The following ETNK1 variants were observed in gnomAD, a reference collection of about 807,000 sequenced individuals.
ETNK1 encodes ethanolamine kinase 1.
ETNK1 carries 8 observed loss-of-function variants against 45.1 expected under a neutral mutation model. That is an observed-to-expected ratio of 0.18 (90% CI 0.10 to 0.32). ETNK1 has a LOEUF of 0.32. Ranked by LOEUF, ETNK1 falls within the 10% of genes least tolerant of loss-of-function variation. The pLI, the probability that ETNK1 is intolerant of heterozygous loss-of-function variation, is 1.00. For synonymous variants in ETNK1, 152 were observed against 151.9 expected (o/e 1.00, Z -0.01); for missense variants, 302 against 430.6 (o/e 0.70, Z 2.64).
intron 6 of ETNK1, among the ~76,000 whole-genome samples, chr12:22,676,983 C>A (rs999783168): frequency 3.2e-4 from 49 of 152,008 alleles, no homozygotes; most frequent in African/African-American, 1.1e-3. Context: ...ACGATAGTTT[C>A]TTTTGCTGTG....
At chr12:22,669,570 C>T (rs2137566377) in intron 4 of ETNK1, among the ~76,000 whole-genome samples, 1 of 151,974 alleles carries the variant, frequency 6.6e-6, no homozygotes, top group East Asian at 1.9e-4. Flanking sequence ...ATTTTCATGC[C>T]TGTGAGTATT....
At chr12:22,626,543 T>G (rs1953501240) in intron 1 of ETNK1, among the ~76,000 whole-genome samples, 1 of 152,240 alleles carries the variant, frequency 6.6e-6, no homozygotes, top group Non-Finnish European at 1.5e-5. Flanking sequence ...TGATGACTAA[T>G]TTATTCACCA....
In ETNK1 at chr12:22,661,174, G is replaced by A. The variant is rs1953995479; in HGVS notation, c.669G>A (p.Leu223=). Residue 223 remains leucine (L), a synonymous_variant, in exon 4 of 8, where the codon TTG becomes TTA. Coordinates refer to ENST00000266517, the MANE Select transcript of ETNK1 (RefSeq NM_018638.5). ...SPVVLCHNDL[L]CKNIIYNEKQ... The stretch of plus-strand genomic sequence containing the variant: ...TTGTGCTTTGCCATAATGACCTATT[G>A]TGTAAGAATATAATCTACAATGAGA... 3.1e-6 allele frequency: 5 copies of A among 1,609,536 alleles called. No homozygotes were observed. The highest frequency in any genetic ancestry group is 1.3e-5 in the African/African-American group (1 of 74,794).
chr12:22,667,935 G>T (rs1954070597), intron 4 of ETNK1, among the ~76,000 whole-genome samples: 2 of 152,148 alleles, frequency 1.3e-5, no homozygotes, highest in South Asian at 4.1e-4. Context: ...CGCTGATAAA[G>T]ATATGCAAGA....
chr12:22,671,015 C>T (rs934740058), intron 4 of ETNK1: 3 of 345,066 alleles, frequency 8.7e-6, no homozygotes, highest in Admixed American at 5.2e-5. Context: ...TGGAGAATGA[C>T]TGTCTTTTCA....
At chr12:22,673,468 A>C (rs774508304) in intron 5 of ETNK1, 32 bp from the exon 6 acceptor site, 23 of 1,525,752 alleles carry the variant, frequency 1.5e-5, no homozygotes, top group Admixed American at 1.9e-5. Flanking sequence ...TATGTTTTAA[A>C]ATTTTTGAGT....
intron 1 of ETNK1, among the ~76,000 whole-genome samples, chr12:22,631,334 C>A (rs1415068969): frequency 6.6e-6 from 1 of 151,834 alleles, no homozygotes; most frequent in Non-Finnish European, 1.5e-5. Flanking sequence ...GCCACCACGC[C>A]TGGCTAATTT....
intron 1 of ETNK1, among the ~76,000 whole-genome samples, chr12:22,640,849 A>G (rs1039385134): frequency 6.6e-6 from 1 of 152,188 alleles, no homozygotes; most frequent in African/African-American, 2.4e-5. Context: ...GAAATACTTG[A>G]CAAATAGTGC....
intron 2 of ETNK1, chr12:22,644,327 AT>A (rs1565439541): frequency 1.3e-6 from 2 of 1,548,372 alleles, no homozygotes; most frequent in Non-Finnish European, 1.7e-6. Context: ...TTGAAGTGTT[AT>A]ACATTTCTTA....
intron 2 of ETNK1, among the ~76,000 whole-genome samples, chr12:22,651,776 C>T (rs1953879590): frequency 6.6e-6 from 1 of 150,654 alleles, no homozygotes; most frequent in African/African-American, 2.5e-5. Flanking sequence ...ATCTCTGCCT[C>T]CCAGGTTCAA....
At chr12:22,636,529 T>C (rs1953657327) in intron 1 of ETNK1, among the ~76,000 whole-genome samples, 2 of 152,224 alleles carry the variant, frequency 1.3e-5, no homozygotes, top group Admixed American at 1.3e-4. Context: ...TTTAGTAATA[T>C]TTCATTAAGG....
At chr12:22,650,502 G>T (rs1953861302) in intron 2 of ETNK1, among the ~76,000 whole-genome samples, 1 of 151,738 alleles carries the variant, frequency 6.6e-6, no homozygotes. Flanking sequence ...GCTAGATTTT[G>T]CAAAATGCTT....
chr12:22,635,580 TTTA>T (rs1433401496), intron 1 of ETNK1, among the ~76,000 whole-genome samples: 1 of 152,252 alleles, frequency 6.6e-6, no homozygotes, highest in Non-Finnish European at 1.5e-5. Context: ...ACAATATGTG[TTTA>T]TTATCATTCA....
chr12:22,638,762 G>C (rs1192347890), intron 1 of ETNK1: 1 of 152,024 alleles, frequency 6.6e-6, no homozygotes, highest in Non-Finnish European at 1.5e-5. Flanking sequence ...TTATAATTTT[G>C]TAACATACCC....
chr12:22,654,341 G>C (rs913606853), intron 2 of ETNK1, among the ~76,000 whole-genome samples: 1 of 152,212 alleles, frequency 6.6e-6, no homozygotes, highest in African/African-American at 2.4e-5. Flanking sequence ...TTGAATTCTG[G>C]AGTGTGAGAA....
At chr12:22,666,901 T>C (rs1469733900) in intron 4 of ETNK1, among the ~76,000 whole-genome samples, 1 of 152,202 alleles carries the variant, frequency 6.6e-6, no homozygotes, top group African/African-American at 2.4e-5. Context: ...GAAAGCTTTG[T>C]AGTTGTCATG....
Position 22,684,574 on chromosome 12 carries a change from A to G in ETNK1, c.1019+18A>G. On this transcript the variant is annotated intron_variant, in intron 7 of 7. Transcript: ENST00000266517. ...TTCCTTGGGTAAGTTAAATTTTATTATATGATTACATTGGTCTCTGCTTTT... is the reference window on the plus strand; with the variant it reads ...TTCCTTGGGTAAGTTAAATTTTATTGTATGATTACATTGGTCTCTGCTTTT... The G allele has an allele frequency of 1.0e-5, 15 of 1,450,876 alleles. No individual in the cohort carries two copies. The highest frequency in any genetic ancestry group is 1.4e-5 in the Non-Finnish European group (15 of 1,036,312). The allele number at this position is 1,450,876 out of a possible 1,614,324, so 89.9% of individuals were successfully genotyped here.
chr12:22,655,124 A>T (rs1449233477), intron 2 of ETNK1, among the ~76,000 whole-genome samples: 11 of 151,916 alleles, frequency 7.2e-5, no homozygotes, highest in Non-Finnish European at 1.6e-4. Flanking sequence ...CTGCCACCAC[A>T]TCCGGCTAAT....
intron 1 of ETNK1, among the ~76,000 whole-genome samples, chr12:22,629,184 C>A (rs1210652113): frequency 1.3e-5 from 2 of 152,060 alleles, no homozygotes; most frequent in Non-Finnish European, 2.9e-5. Context: ...CAAATATTTG[C>A]TCTTTGAAAT....
Sources: gnomAD v4.1 joint callset for allele counts (sites outside exome capture counted in the v4.1 genomes callset) on GRCh38, gnomAD v4.1.1 for gene constraint, MANE v1.5 for transcripts, NCBI Gene and HGNC (gene_info 2026-07-23, HGNC 2026-07-21) for gene names.